The following PARD3B variants were observed in gnomAD, a reference collection of about 807,000 sequenced individuals.
The protein encoded by PARD3B is partitioning defective 3 homolog B.
In PARD3B, 103 loss-of-function variants were observed where a neutral mutation model predicts 130.2. That is an observed-to-expected ratio of 0.79 (90% CI 0.67 to 0.93). The LOEUF is 0.93. PARD3B is among the 40% of genes least tolerant of loss of function. The pLI is 0.00. For missense variants in PARD3B, 1,609 were observed against 1,499.2 expected, an observed-to-expected ratio of 1.07 and a Z score of -1.21; for synonymous variants, 583 against 553.2, an observed-to-expected ratio of 1.05 and a Z score of -0.76.
intron 18 of PARD3B, among the ~76,000 whole-genome samples, chr2:205,313,506 A>G (rs1032505877): frequency 3.3e-5 from 5 of 152,164 alleles, no homozygotes; most frequent in African/African-American, 7.2e-5. Context: ...CTCCTACCCT[A>G]TGTAATCTTG....
intron 19 of PARD3B, among the ~76,000 whole-genome samples, chr2:205,408,318 T>C (rs750049225): frequency 6.6e-6 from 1 of 152,182 alleles, no homozygotes; most frequent in Non-Finnish European, 1.5e-5. Flanking sequence ...TATAAAAACA[T>C]TCAGAAACCA....
intron 19 of PARD3B, among the ~76,000 whole-genome samples, chr2:205,416,756 T>A (rs1048997476): frequency 1.4e-4 from 22 of 152,072 alleles, no homozygotes; most frequent in African/African-American, 4.8e-4. Context: ...AGTACTGTAA[T>A]AGATGCTAAG....
intron 19 of PARD3B, among the ~76,000 whole-genome samples, chr2:205,425,999 T>G (rs1403923477): frequency 1.3e-5 from 2 of 152,172 alleles, no homozygotes; most frequent in African/African-American, 4.8e-5. Flanking sequence ...ATGTATTATT[T>G]TTTTATTTAT....
intron 7 of PARD3B, among the ~76,000 whole-genome samples, chr2:205,119,770 A>C (rs1456764063): frequency 1.3e-5 from 2 of 152,108 alleles, no homozygotes; most frequent in Admixed American, 6.5e-5. Flanking sequence ...TGACAGGGAG[A>C]AACTCCGTCT....
intron 3 of PARD3B, among the ~76,000 whole-genome samples, chr2:205,026,599 A>G (rs955227436): frequency 3.3e-5 from 5 of 152,182 alleles, no homozygotes; most frequent in Admixed American, 6.5e-5. Flanking sequence ...ATTATTAACT[A>G]TATTTAATGC....
At chr2:205,165,960 G>T (rs1243256906) in intron 11 of PARD3B, among the ~76,000 whole-genome samples, 1 of 151,842 alleles carries the variant, frequency 6.6e-6, no homozygotes, top group Non-Finnish European at 1.5e-5. Flanking sequence ...GAATTCTGAA[G>T]GTTCTCTGAA....
intron 22 of PARD3B, among the ~76,000 whole-genome samples, chr2:205,613,744 A>C (rs1228032543): frequency 6.6e-6 from 1 of 152,218 alleles, no homozygotes; most frequent in Non-Finnish European, 1.5e-5. Context: ...AAAAGTAGAG[A>C]GAATTCTATT....
chr2:205,348,069 C>G (rs2043859574), intron 18 of PARD3B: 1 of 152,236 alleles, frequency 6.6e-6, no homozygotes, highest in Non-Finnish European at 1.5e-5. Context: ...GGGCAGAAAA[C>G]AGCCAGGTCC....
chr2:204,563,217 G>GTGTCTCTCTC (rs2031435752), intron 1 of PARD3B, among the ~76,000 whole-genome samples: 1 of 86,598 alleles, frequency 1.2e-5, no homozygotes, highest in African/African-American at 4.5e-5. Flanking sequence ...TCTTCCCGCT[G>GTGTCTCTCTC]TCTCTCTCTC....
intron 4 of PARD3B, among the ~76,000 whole-genome samples, chr2:205,094,320 G>A (rs1198667019): frequency 6.6e-6 from 1 of 152,142 alleles, no homozygotes; most frequent in Non-Finnish European, 1.5e-5. Flanking sequence ...GATGCACATG[G>A]CAAAGTCAGG....
chr2:205,170,707 G>A (rs1310758183), intron 11 of PARD3B, among the ~76,000 whole-genome samples: 2 of 151,974 alleles, frequency 1.3e-5, no homozygotes, highest in South Asian at 2.1e-4. Flanking sequence ...TTAACGACCC[G>A]TCTGCACAGT....
intron 6 of PARD3B, 147 bp from the exon 7 acceptor site, chr2:205,118,774 G>T: frequency 1.6e-6 from 1 of 607,094 alleles, no homozygotes; most frequent in Admixed American, 4.2e-5. Flanking sequence ...TTGGATTAGG[G>T]ATTAAAATAA....
chr2:205,201,802 A>T (rs1036074529), intron 15 of PARD3B, among the ~76,000 whole-genome samples: 1 of 152,206 alleles, frequency 6.6e-6, no homozygotes, highest in Admixed American at 6.5e-5. Context: ...ACGCCATTGC[A>T]CTCCAGCCTG....
At chr2:204,876,980 A>G (rs2045868777) in intron 2 of PARD3B, among the ~76,000 whole-genome samples, 1 of 152,100 alleles carries the variant, frequency 6.6e-6, no homozygotes, top group African/African-American at 2.4e-5. Context: ...AGTACTCTAG[A>G]TCCCTGAGGA....
At chr2:205,577,025 CTAAG>C (rs961436537) in intron 22 of PARD3B, among the ~76,000 whole-genome samples, 2 of 152,002 alleles carry the variant, frequency 1.3e-5, no homozygotes, top group Non-Finnish European at 2.9e-5. Flanking sequence ...AGCTTTATAC[CTAAG>C]TATTTCATTT....
chr2:205,062,022 G>A (rs190308160), intron 4 of PARD3B, among the ~76,000 whole-genome samples: 1 of 151,988 alleles, frequency 6.6e-6, no homozygotes, highest in African/African-American at 2.4e-5. Context: ...TTTTCTGGAA[G>A]CCCCCTTCCC....
At chr2:205,537,075 T>C (rs1215638214) in intron 21 of PARD3B, among the ~76,000 whole-genome samples, 1 of 152,304 alleles carries the variant, frequency 6.6e-6, no homozygotes, top group South Asian at 2.1e-4. Flanking sequence ...TAGAGTTCCT[T>C]ATATATTCTT....
chr2:204,931,838 C>T lies in PARD3B; in HGVS notation c.223-33314C>T, dbSNP rs535435658. The stretch of plus-strand genomic sequence containing the variant: ...CAGTCTAATTGCTAAAGTTTCAAAA[C>T]AGAAGAATGAATTTGCACCTCAAGC... On this transcript the variant is annotated intron_variant, in intron 2 of 22. Transcript: ENST00000406610. 2.0e-5 allele frequency among the ~76,000 whole-genome samples: 3 copies of T among 152,106 alleles called. No homozygotes were observed. In the East Asian group the frequency reaches 5.8e-4, roughly 29 times the overall value.
intron 21 of PARD3B, 53 bp downstream of exon 21, chr2:205,500,084 A>C (rs543204391): frequency 6.3e-7 from 1 of 1,587,474 alleles, no homozygotes; most frequent in African/African-American, 1.3e-5. Flanking sequence ...AAGAATGTTT[A>C]GAGCAGAAGA....
Sources: gnomAD v4.1 joint callset for allele counts (sites outside exome capture counted in the v4.1 genomes callset) on GRCh38, gnomAD v4.1.1 for gene constraint, MANE v1.5 for transcripts, NCBI Gene and HGNC (gene_info 2026-07-23, HGNC 2026-07-21) for gene names.